Variants in PSMD8 observed in about 807,000 individuals in gnomAD.
The protein encoded by PSMD8 is 26S proteasome non-ATPase regulatory subunit 8.
In PSMD8, 30 loss-of-function variants were observed where a neutral mutation model predicts 40.0. The ratio of observed to expected loss-of-function variants is 0.75; its 90% confidence interval spans 0.56 to 1.02. The LOEUF (loss-of-function observed/expected upper bound fraction) is 1.02, where lower values mean the gene tolerates loss of function less well. PSMD8 is among the 50% of genes least tolerant of loss of function. The pLI is 0.00. For synonymous variants in PSMD8, 208 were observed against 192.5 expected, an observed-to-expected ratio of 1.08 and a Z score of -0.67; for missense variants, 461 against 463.9, an observed-to-expected ratio of 0.99 and a Z score of 0.06.
Position 38,383,320 on chromosome 19 carries a change from C to T in PSMD8, c.983C>T (p.Thr328Ile). 6.2e-7 allele frequency: 1 copy of T among 1,613,796 alleles called. No individual in the cohort carries two copies. Reference sequence around the variant, plus strand: ...AGCCAGCAGCAGAAGCCGGAAGACACCACCATTCCCTCCACAGAACTGGCC... The same window carrying T: ...AGCCAGCAGCAGAAGCCGGAAGACATCACCATTCCCTCCACAGAACTGGCC... The part of the protein sequence containing the change: ...FASQQQKPED[T>I]TIPSTELAKQ... Residue 328 changes from threonine to isoleucine, a missense_variant, in exon 7 of 7, where the codon ACC becomes ATC. Thr to Ile is a moderately conservative substitution (Grantham distance 89, BLOSUM62 -1). This residue lies in a region of PSMD8 where 236 missense variants were observed against 321.2 expected (regional missense o/e 0.73). Transcript: ENST00000215071.
chr19:38,375,635 G>A, intron 1 of PSMD8: 2 of 183,938 alleles, frequency 1.1e-5, no homozygotes, highest in South Asian at 1.9e-4. Flanking sequence ...GAACCTAGAA[G>A]AAATATTCTT....
At position 38,376,251 on chromosome 19, in the gene PSMD8, G is replaced by A. The variant is rs1464170455; in HGVS notation, c.433+19G>A. The A allele has an allele frequency of 1.3e-6, 2 of 1,581,874 alleles. No homozygotes were observed. The highest frequency in any genetic ancestry group is 2.7e-5 in the African/African-American group (2 of 74,162). ...CTGGCCCGTGAGTGTCACTGGGGTT[G>A]GTTGGGGGTGATAATCTGGGGGTCA... On this transcript the variant is annotated intron_variant, in intron 2 of 6. Coordinates refer to ENST00000215071, the MANE Select transcript of PSMD8 (RefSeq NM_002812.5).
In PSMD8 at chr19:38,383,476, T is replaced by G; in HGVS notation, c.*86T>G. ...TTCGCCCAATAAAGGTGGACTGACA[T>G]TCCCTCTTCCAGGCCCTTGTCTCCC... On this transcript the variant is annotated 3_prime_UTR_variant, in exon 7 of 7. Coordinates refer to ENST00000215071, the MANE Select transcript of PSMD8 (RefSeq NM_002812.5). 1.3e-6 allele frequency: 2 copies of G among 1,537,014 alleles called. No homozygotes were observed. The highest frequency in any genetic ancestry group is 1.8e-6 in the Non-Finnish European group (2 of 1,121,094).
intron 6 of PSMD8, 185 bp downstream of exon 6, chr19:38,382,413 T>C (rs1970648955): frequency 4.8e-6 from 3 of 625,730 alleles, no homozygotes; most frequent in Non-Finnish European, 8.6e-6. Flanking sequence ...GCTAGATACA[T>C]GGGATGAGCT....
chr19:38,374,972 C>T lies in PSMD8; in HGVS notation c.360+11C>T, dbSNP rs1182534741. ...CTGGGTCGACTCAAGGTAAAGTCGG[C>T]AGGCCCAGGAAACCGAGTGTTGCGG... On this transcript the variant is annotated intron_variant, in intron 1 of 6. Coordinates refer to ENST00000215071, the MANE Select transcript of PSMD8 (RefSeq NM_002812.5). 3 of 1,548,594 alleles carry T rather than the reference C, an allele frequency of 1.9e-6. No homozygotes were observed. The African/African-American group carries it at 4.1e-5, about 21-fold the overall frequency.
intron 3 of PSMD8, among the ~76,000 whole-genome samples, chr19:38,378,462 C>G (rs1428806863): frequency 6.8e-6 from 1 of 147,014 alleles, no homozygotes; most frequent in Non-Finnish European, 1.5e-5. Flanking sequence ...GAGCCAAGAT[C>G]GGGCCACTGC....
In PSMD8 at chr19:38,383,490, C is replaced by G; in HGVS notation, c.*100C>G. 1 of 1,469,848 alleles carries G rather than the reference C, an allele frequency of 6.8e-7. No individual in the cohort carries two copies. The highest frequency in any genetic ancestry group is 2.4e-5 in the East Asian group (1 of 42,416). The allele number at this position is 1,469,848 out of a possible 1,614,324, so 91.1% of individuals were successfully genotyped here. A position where few individuals can be genotyped will look rare whatever the true frequency, so the allele number is the denominator to read the frequency against. ...GTGGACTGACATTCCCTCTTCCAGG[C>G]CCTTGTCTCCCCAGTTGGGACGGCA... On this transcript the variant is annotated 3_prime_UTR_variant, in exon 7 of 7. Transcript: ENST00000215071.
rs1322840341 is a variant in PSMD8 at position 38,383,614 on chromosome 19, G to A, written c.*224G>A. On this transcript the variant is annotated 3_prime_UTR_variant, in exon 7 of 7. Transcript: ENST00000215071. ...GGTCAGCCTCTGTCTGGTGGGCATT[G>A]CTCAGGGTCTCAAACATGGACGCCC... The A allele has an allele frequency of 3.3e-6, 2 of 604,672 alleles. No homozygotes were observed. The highest frequency in any genetic ancestry group is 3.7e-5 in the African/African-American group (2 of 53,744). The allele number at this position is 604,672 out of a possible 1,614,324, so 37.5% of individuals were successfully genotyped here. A position where few individuals can be genotyped will look rare whatever the true frequency, so the allele number is the denominator to read the frequency against.
intron 1 of PSMD8, chr19:38,375,369 G>GGGTTA (rs1970589883): frequency 4.8e-6 from 1 of 208,296 alleles, no homozygotes; most frequent in Admixed American, 5.4e-5. Context: ...ACTGAGTGAG[G>GGGTTA]GGTTAGATTT....
At chr19:38,378,868 G>A (rs1308979482) in intron 3 of PSMD8, among the ~76,000 whole-genome samples, 4 of 152,010 alleles carry the variant, frequency 2.6e-5, no homozygotes, top group Non-Finnish European at 5.9e-5. Context: ...CAGGAGAATC[G>A]CTTGAACCCG....
chr19:38,376,344 AC>A lies in PSMD8; in HGVS notation c.434-5del. ...TCACCTCCTGAGAGCTCACTCTGTC[AC>A]CCACAGGTGACATACTGGAGATCGG... On this transcript the variant is annotated splice_region_variant and splice_polypyrimidine_tract_variant and intron_variant, in intron 2 of 6. Coordinates refer to ENST00000215071, the MANE Select transcript of PSMD8 (RefSeq NM_002812.5). 6.5e-7 allele frequency: 1 copy of A among 1,549,806 alleles called. No individual in the cohort carries two copies. Among genetic ancestry groups the A allele is most frequent in the Non-Finnish European group, 8.7e-7 (1 of 1,144,846 alleles).
Position 38,376,393 on chromosome 19 carries a change from A to C in PSMD8, c.475A>C (p.Lys159Gln). Residue 159 changes from lysine (K) to glutamine (Q), a missense_variant, in exon 3 of 7, where the codon AAG becomes CAG. Coordinates refer to ENST00000215071, the MANE Select transcript of PSMD8 (RefSeq NM_002812.5). ...CGGGGCCCAATGGAGCATCCTACGC[A>C]AGGACATCCCCTCCTTCGAGCGCTA... Reference protein sequence around the residue: ...EIGAQWSILRKDIPSFERYMA... With the variant: ...EIGAQWSILRQDIPSFERYMA... 1 of 1,552,622 alleles carries C rather than the reference A, an allele frequency of 6.4e-7. No homozygotes were observed. The highest frequency in any genetic ancestry group is 8.7e-7 in the Non-Finnish European group (1 of 1,147,472).
chr19:38,380,757 A>G, intron 4 of PSMD8, 142 bp from the exon 5 acceptor site: 1 of 557,134 alleles, frequency 1.8e-6, no homozygotes, highest in Non-Finnish European at 3.1e-6. Context: ...GGCTTTCTGG[A>G]AGAGGGGGTA....
chr19:38,375,122 G>A (rs1194512586), intron 1 of PSMD8, 161 bp downstream of exon 1: 29 of 1,231,184 alleles, frequency 2.4e-5, no homozygotes, highest in Non-Finnish European at 3.1e-5. Context: ...AACAGCCAAA[G>A]TGGGGGCTCG....
rs553612988 is a variant in PSMD8 at position 38,383,449 on chromosome 19, G to A, written c.*59G>A. The A allele has an allele frequency of 3.7e-6, 6 of 1,602,214 alleles. No individual in the cohort carries two copies. In the East Asian group the frequency reaches 1.3e-4, roughly 36 times the overall value. ...TTATTTAAAACAGTTACACTGCAGGGTTTCGCCCAATAAAGGTGGACTGAC... is the reference window on the plus strand; with the variant it reads ...TTATTTAAAACAGTTACACTGCAGGATTTCGCCCAATAAAGGTGGACTGAC... On this transcript the variant is annotated 3_prime_UTR_variant, in exon 7 of 7. Coordinates refer to ENST00000215071, the MANE Select transcript of PSMD8 (RefSeq NM_002812.5).
intron 5 of PSMD8, chr19:38,381,235 C>A: frequency 2.2e-6 from 1 of 452,350 alleles, no homozygotes; most frequent in East Asian, 3.8e-5. Context: ...GTGTGTCAAA[C>A]CTGAGCATGG....
chr19:38,383,291 T>G lies in PSMD8; in HGVS notation c.954T>G (p.Phe318Leu), dbSNP rs776517376. 9.9e-6 allele frequency: 16 copies of G among 1,613,350 alleles called. No individual in the cohort carries two copies. The highest frequency in any genetic ancestry group is 1.3e-5 in the Non-Finnish European group (15 of 1,179,878). The change falls in exon 7 of 7, where the codon TTT becomes TTG. Residue 318 changes from phenylalanine to leucine, a missense_variant. This residue lies in a region of PSMD8 where 236 missense variants were observed against 321.2 expected (regional missense o/e 0.73). Coordinates refer to ENST00000215071, the MANE Select transcript of PSMD8 (RefSeq NM_002812.5). ...WVLGPNNYYS[F>L]ASQQQKPEDT... ...TGGGCCCCAACAACTACTACAGTTT[T>G]GCCAGCCAGCAGCAGAAGCCGGAAG... is the stretch of plus-strand genomic sequence containing the variant.
At position 38,382,198 on chromosome 19, in the gene PSMD8, A is replaced by G. The variant is rs992028891; in HGVS notation, c.885A>G (p.Thr295=). The part of the protein sequence containing the change: ...TEATRILFFN[T]PKKMTDYAKK... ...CCACCCGGATCCTCTTCTTCAACAC[A>G]CCCAAAAAGATGACAGACTACGCCA... The change falls in exon 6 of 7, where the codon ACA becomes ACG. Residue 295 remains threonine (T), a synonymous_variant. Coordinates refer to ENST00000215071, the MANE Select transcript of PSMD8 (RefSeq NM_002812.5). 3.3e-5 allele frequency: 52 copies of G among 1,596,068 alleles called. No homozygotes were observed. Among genetic ancestry groups the G allele is most frequent in the Non-Finnish European group, 4.3e-5 (50 of 1,171,844 alleles).
At position 38,382,155 on chromosome 19, in the gene PSMD8, A is replaced by C; in HGVS notation, c.842A>C (p.Lys281Thr). The change falls in exon 6 of 7, where the codon AAA (lysine) becomes ACA (threonine). Residue 281 changes from lysine to threonine, a missense_variant. Physicochemically the swap from Lys to Thr is moderately conservative, Grantham distance 78 (BLOSUM62 -1). This residue lies in a region of PSMD8 where 236 missense variants were observed against 321.2 expected (regional missense o/e 0.73). Transcript: ENST00000215071. ...IAGCIEKAYE[K>T]ILFTEATRIL... ...GGGTGCATCGAGAAGGCCTACGAGA[A>C]AATCCTTTTCACTGAGGCCACCCGG... The C allele has an allele frequency of 6.3e-7, 1 of 1,590,556 alleles. No individual in the cohort carries two copies. Among genetic ancestry groups the C allele is most frequent in the South Asian group, 1.2e-5 (1 of 86,766 alleles).
Sources: allele counts gnomAD v4.1 joint callset (sites outside exome capture counted in the v4.1 genomes callset), GRCh38; gene constraint gnomAD v4.1.1; regional missense constraint gnomAD v4.1.1; transcripts MANE v1.5; gene names NCBI Gene and HGNC (gene_info 2026-07-23, HGNC 2026-07-21).